The following SOBP variants were observed in gnomAD, a reference collection of about 807,000 sequenced individuals.
SOBP encodes sine oculis-binding protein homolog.
SOBP carries 4 observed loss-of-function variants against 53.6 expected under a neutral mutation model. The ratio of observed to expected loss-of-function variants is 0.07; its 90% CI spans 0.04 to 0.17. SOBP has a LOEUF of 0.17. Ranked by LOEUF, SOBP falls within the 10% of genes least tolerant of loss-of-function variation. The pLI is 1.00. For synonymous variants in SOBP, 584 were observed against 522.6 expected, an observed-to-expected ratio of 1.12 and a Z score of -1.60; for missense variants, 1,088 against 1,204.7, an observed-to-expected ratio of 0.90 and a Z score of 1.43.
Position 107,635,573 on chromosome 6 carries a change from G to T in SOBP, c.*3+104G>T. 1 of 1,510,156 alleles carries T rather than the reference G, an allele frequency of 6.6e-7. No homozygotes were observed. 93.5% of individuals were successfully genotyped at this position (1,510,156 alleles called of 1,614,324 possible). On this transcript the variant is annotated intron_variant, in intron 6 of 6. Transcript: ENST00000317357. The surrounding 1 kb of genome is among the most constrained non-coding windows in gnomAD (Gnocchi z 4.5). ...GTAATTATAGTCATGATTTTACCGT[G>T]TGTGTTTTATATTGCACACGGTGTG...
intron 6 of SOBP, among the ~76,000 whole-genome samples, chr6:107,642,645 T>A (rs1034039674): frequency 5.9e-5 from 9 of 152,214 alleles, no homozygotes; most frequent in African/African-American, 2.2e-4. Flanking sequence ...CTTCCAGTGC[T>A]CCCAGCCTCA....
intron 2 of SOBP, among the ~76,000 whole-genome samples, chr6:107,505,634 T>G (rs1243448179): frequency 6.0e-5 from 9 of 150,976 alleles, no homozygotes; most frequent in Non-Finnish European, 1.2e-4. Flanking sequence ...CCTCTCAGTT[T>G]TGTTTTGTTT....
At chr6:107,492,242 A>G (rs1782597561) in intron 1 of SOBP, among the ~76,000 whole-genome samples, 1 of 152,154 alleles carries the variant, frequency 6.6e-6, no homozygotes, top group South Asian at 2.1e-4. Flanking sequence ...AGTCCATAAT[A>G]ACCATTCTTC....
At chr6:107,654,142 G>A (rs989661070) in intron 6 of SOBP, among the ~76,000 whole-genome samples, 5 of 152,194 alleles carry the variant, frequency 3.3e-5, no homozygotes, top group African/African-American at 4.8e-5. Flanking sequence ...GGCCAAAAGG[G>A]GCAGGCAGGC....
intron 6 of SOBP, among the ~76,000 whole-genome samples, chr6:107,646,289 A>G (rs1771553107): frequency 6.6e-6 from 1 of 152,242 alleles, no homozygotes; most frequent in African/African-American, 2.4e-5. Context: ...AAGTGGGCCT[A>G]AGGAAATGTC....
intron 5 of SOBP, among the ~76,000 whole-genome samples, chr6:107,624,746 A>T (rs1275139745): frequency 6.6e-6 from 1 of 152,218 alleles, no homozygotes; most frequent in African/African-American, 2.4e-5. Flanking sequence ...TGTCTCTGTC[A>T]CAGGAAGTAT....
chr6:107,580,263 C>A (rs554505993), intron 4 of SOBP, among the ~76,000 whole-genome samples: 1 of 152,312 alleles, frequency 6.6e-6, no homozygotes, highest in South Asian at 2.1e-4. Context: ...TGCATGCACA[C>A]ATAATTTTGT....
Position 107,634,979 on chromosome 6 carries a change from C to A in SOBP, c.2135C>A (p.Ala712Glu). ...AAGDPGPGAP[A>E]GPEAAAACNV... ...GGCGACCCAGGCCCGGGCGCCCCGG[C>A]GGGCCCCGAGGCGGCCGCGGCCTGC... Residue 712 changes from alanine to glutamate, a missense_variant, in exon 6 of 7, where the codon GCG becomes GAG. Ala to Glu is a moderately radical substitution (Grantham distance 107). Transcript: ENST00000317357. The surrounding 1 kb of genome is among the most constrained non-coding windows in gnomAD (Gnocchi z 4.5). 1 of 1,026,020 alleles carries A rather than the reference C, an allele frequency of 9.7e-7. No individual in the cohort carries two copies. The highest frequency in any genetic ancestry group is 1.2e-6 in the Non-Finnish European group (1 of 858,784). The allele number at this position is 1,026,020 out of a possible 1,614,324, so 63.6% of individuals were successfully genotyped here. A position where few individuals can be genotyped will look rare whatever the true frequency, so the allele number is the denominator to read the frequency against.
intron 6 of SOBP, among the ~76,000 whole-genome samples, chr6:107,640,456 A>G (rs953600449): frequency 3.3e-5 from 5 of 152,212 alleles, no homozygotes; most frequent in African/African-American, 2.4e-5. Context: ...GTTGGCACAT[A>G]TAGTTCTAGG....
chr6:107,492,832 G>A (rs1469703231), intron 1 of SOBP, among the ~76,000 whole-genome samples: 3 of 152,100 alleles, frequency 2.0e-5, no homozygotes, highest in Admixed American at 6.5e-5. Context: ...TAACTCAATT[G>A]TCTGTAGGAT....
At chr6:107,523,727 G>A (rs1356211416) in intron 3 of SOBP, among the ~76,000 whole-genome samples, 1 of 152,222 alleles carries the variant, frequency 6.6e-6, no homozygotes, top group African/African-American at 2.4e-5. Flanking sequence ...CCCCTCCAGT[G>A]GAGATGCTTA....
intron 4 of SOBP, among the ~76,000 whole-genome samples, chr6:107,543,594 A>G (rs1395797599): frequency 1.3e-5 from 2 of 152,144 alleles, no homozygotes; most frequent in Non-Finnish European, 2.9e-5. Context: ...AAGTCAGGGA[A>G]CTGTTAGGGA....
At chr6:107,570,298 G>A (rs768697899) in intron 4 of SOBP, among the ~76,000 whole-genome samples, 13 of 152,180 alleles carry the variant, frequency 8.5e-5, no homozygotes, top group African/African-American at 1.2e-4. Context: ...TAAAAAGAGT[G>A]AAGGCTATAA....
At chr6:107,617,601 G>A (rs1786840081) in intron 5 of SOBP, among the ~76,000 whole-genome samples, 1 of 152,174 alleles carries the variant, frequency 6.6e-6, no homozygotes, top group Non-Finnish European at 1.5e-5. Flanking sequence ...ACAGAAGAAT[G>A]AGGTTCCAAA....
chr6:107,566,031 C>A (rs1463101426), intron 4 of SOBP, among the ~76,000 whole-genome samples: 2 of 152,204 alleles, frequency 1.3e-5, no homozygotes, highest in East Asian at 3.8e-4. Context: ...CTGCCACTCT[C>A]AGAAATTAGA....
intron 4 of SOBP, among the ~76,000 whole-genome samples, chr6:107,548,492 T>G (rs1025930894): frequency 1.3e-5 from 2 of 152,142 alleles, no homozygotes; most frequent in Non-Finnish European, 2.9e-5. Context: ...TGCGCCCGCC[T>G]TGGCCTCCCA....
chr6:107,501,395 G>A (rs1170860094), intron 1 of SOBP, among the ~76,000 whole-genome samples: 1 of 152,148 alleles, frequency 6.6e-6, no homozygotes, highest in Non-Finnish European at 1.5e-5. Context: ...TGCATTCGTA[G>A]CCTTTGTGTG....
intron 1 of SOBP, among the ~76,000 whole-genome samples, chr6:107,494,004 T>C (rs1297030577): frequency 6.6e-6 from 1 of 152,276 alleles, no homozygotes; most frequent in Non-Finnish European, 1.5e-5. Flanking sequence ...CATAGCTTGC[T>C]TGTAGTGTAC....
intron 3 of SOBP, among the ~76,000 whole-genome samples, chr6:107,522,619 G>A (rs1197785857): frequency 8.0e-6 from 1 of 125,554 alleles, no homozygotes; most frequent in African/African-American, 3.0e-5. Flanking sequence ...ACAGCTTACC[G>A]CAGCCTTGAC....
Sources: allele counts gnomAD v4.1 joint callset (sites outside exome capture counted in the v4.1 genomes callset), GRCh38; gene constraint gnomAD v4.1.1; non-coding constraint Gnocchi (gnomAD v3.1); transcripts MANE v1.5; gene names NCBI Gene and HGNC (gene_info 2026-07-23, HGNC 2026-07-21).